Variants in IZUMO2 observed in about 807,000 individuals in gnomAD.
IZUMO2 encodes the protein izumo sperm-egg fusion protein 2.
Under a neutral mutation model 31.2 loss-of-function variants are expected in IZUMO2, and 24 were observed. The observed-to-expected ratio is 0.77, with a 90% CI of 0.56 to 1.08. IZUMO2 has a LOEUF of 1.08. Among genes scored for constraint, IZUMO2 ranks in the 50% least tolerant of loss-of-function variants. The probability of loss-of-function intolerance (pLI) is 0.00; values close to 1 mark genes in which losing one functional copy is unlikely to be tolerated. For missense variants in IZUMO2, 278 were observed against 274.0 expected, an observed-to-expected ratio of 1.01 and a Z score of -0.10; for synonymous variants, 144 against 117.3, an observed-to-expected ratio of 1.23 and a Z score of -1.47.
chr19:50,157,846 G>A (rs970182787), intron 5 of IZUMO2, among the ~76,000 whole-genome samples: 6 of 150,796 alleles, frequency 4.0e-5, no homozygotes, highest in African/African-American at 1.5e-4. Context: ...CTTGAACCTG[G>A]GAGGCAGAGG....
chr19:50,152,709 A>C (rs2030068699), intron 6 of IZUMO2, 58 bp from the exon 7 acceptor site: 4 of 1,435,144 alleles, frequency 2.8e-6, no homozygotes, highest in Middle Eastern at 1.7e-4. Flanking sequence ...TTTCCAGATC[A>C]AGAGACCCAT....
At position 50,159,543 on chromosome 19, in the gene IZUMO2, C is replaced by T. The variant is rs766330043; in HGVS notation, c.345G>A (p.Ala115=). 26 of 1,613,490 alleles carry T rather than the reference C, an allele frequency of 1.6e-5. No individual in the cohort carries two copies. The highest frequency in any genetic ancestry group is 1.5e-4 in the Admixed American group (9 of 59,970). The part of the protein sequence containing the change: ...PLLEELVTLR[A]NVIKEFKKVL... Reference sequence around the variant, plus strand: ...CTTTCTTGAATTCCTTGATCACATTCGCCCTGAGGGTCACCAGCTCTTCCA... The same window carrying T: ...CTTTCTTGAATTCCTTGATCACATTTGCCCTGAGGGTCACCAGCTCTTCCA... The change falls in exon 3 of 7, where the codon GCG becomes GCA. Residue 115 remains alanine, a synonymous_variant. Coordinates refer to ENST00000293405, the MANE Select transcript of IZUMO2 (RefSeq NM_152358.3).
chr19:50,153,483 A>T (rs562997997), intron 6 of IZUMO2, among the ~76,000 whole-genome samples: 1 of 152,088 alleles, frequency 6.6e-6, no homozygotes, highest in East Asian at 1.9e-4. Flanking sequence ...TGCACGGAGC[A>T]CTCCCCATGC....
Position 50,152,713 on chromosome 19 carries a change from G to A in IZUMO2, c.624-62C>T, listed in dbSNP as rs113759869. The A allele has an allele frequency of 1.2e-5, 16 of 1,370,986 alleles. No homozygotes were observed. The African/African-American group carries it at 1.3e-4, about 11-fold the overall frequency. 84.9% of individuals were successfully genotyped at this position (1,370,986 alleles called of 1,614,324 possible). On this transcript the variant is annotated intron_variant, in intron 6 of 6. Coordinates refer to ENST00000293405, the MANE Select transcript of IZUMO2 (RefSeq NM_152358.3). ...AATTTCAAGCTTTTCCAGATCAAGA[G>A]ACCCATAACTTCCCTCCCCATAACT...
intron 5 of IZUMO2, 115 bp from the exon 6 acceptor site, chr19:50,154,841 CTCT>C (rs964752093): frequency 1.7e-5 from 19 of 1,110,592 alleles, no homozygotes; most frequent in African/African-American, 6.2e-5. Context: ...GGGGCGCTCT[CTCT>C]TCTTCTCTTC....
rs1012810960 is a variant in IZUMO2, at chr19:50,156,663, G to T, written c.496+1605C>A. 2.8e-4 allele frequency among the ~76,000 whole-genome samples: 43 copies of T among 151,358 alleles called. 1 individual carries two copies. The highest frequency in any genetic ancestry group is 2.4e-3 in the Admixed American group (36 of 15,202). On this transcript the variant is annotated intron_variant, in intron 5 of 6. Transcript: ENST00000293405. ...TTCTAGGCCGGGTGCAGTGACTCATGCCTGTAATCCCAGCACTTTGGGAGG... is the reference window on the plus strand; with the variant it reads ...TTCTAGGCCGGGTGCAGTGACTCATTCCTGTAATCCCAGCACTTTGGGAGG...
In IZUMO2 at chr19:50,163,260, C is replaced by G. The variant is rs1449127425; in HGVS notation, c.-66G>C. On this transcript the variant is annotated 5_prime_UTR_variant, in exon 1 of 7. Coordinates refer to ENST00000293405, the MANE Select transcript of IZUMO2 (RefSeq NM_152358.3). ...CCCGCCTCCCAGGCGAGGGCGCGGT[C>G]AGGAGGCCCAGGGAGCATCACGGTG... The G allele has an allele frequency of 8.4e-7, 1 of 1,184,844 alleles. No homozygotes were observed. Among genetic ancestry groups the G allele is most frequent in the African/African-American group, 1.5e-5 (1 of 64,708 alleles). 73.4% of individuals were successfully genotyped at this position (1,184,844 alleles called of 1,614,324 possible). A position where few individuals can be genotyped will look rare whatever the true frequency, so the allele number is the denominator to read the frequency against.
At chr19:50,153,682 G>T (rs2123044009) in intron 6 of IZUMO2, 1 of 152,078 alleles carries the variant, frequency 6.6e-6, no homozygotes, top group Admixed American at 6.6e-5. Context: ...GGCACCTGTA[G>T]TCCCAGCTAC....
intron 2 of IZUMO2, among the ~76,000 whole-genome samples, chr19:50,161,942 T>A (rs1452909004): frequency 6.6e-6 from 1 of 152,212 alleles, no homozygotes; most frequent in African/African-American, 2.4e-5. Context: ...CTTGCCTGGC[T>A]CACAGAAGGT....
chr19:50,153,052 G>A lies in IZUMO2; in HGVS notation c.624-401C>T, dbSNP rs554628442. Among the ~76,000 whole-genome samples the A allele has an allele frequency of 7.2e-5, 11 of 152,248 alleles. No homozygotes were observed. The South Asian group carries it at 2.1e-3, about 29-fold the overall frequency. On this transcript the variant is annotated intron_variant, in intron 6 of 6. Transcript: ENST00000293405. The stretch of plus-strand genomic sequence containing the variant: ...GGAATGTGACCTTAATTGGAAACAC[G>A]GTCTTTGCAGATGTAATTAAGTTAA...
chr19:50,157,582 G>A (rs1187241001), intron 5 of IZUMO2, among the ~76,000 whole-genome samples: 9 of 150,288 alleles, frequency 6.0e-5, no homozygotes, highest in African/African-American at 1.7e-4. Flanking sequence ...GATTACAGGC[G>A]TGAGCCACTG....
At chr19:50,154,128 C>T (rs1306228606) in intron 6 of IZUMO2, among the ~76,000 whole-genome samples, 2 of 151,240 alleles carry the variant, frequency 1.3e-5, no homozygotes, top group Non-Finnish European at 1.5e-5. Context: ...AATGTTTTCA[C>T]TGTAGTATCT....
chr19:50,159,508 G>T lies in IZUMO2; in HGVS notation c.380C>A (p.Ser127Ter). Residue 127 changes from serine (S) to a stop codon, truncating the protein, a stop_gained, in exon 3 of 7, where the codon TCA (serine) becomes TAA (stop). Coordinates refer to ENST00000293405, the MANE Select transcript of IZUMO2 (RefSeq NM_152358.3). LOFTEE classifies it high-confidence loss of function. ...VIKEFKKVLISYELKACNPKL... is the reference protein window; with the variant it reads ...VIKEFKKVLI The stretch of plus-strand genomic sequence containing the variant: ...ATATGCTGCACCTTTTAATTCATAT[G>T]AAATTAAAACTTTCTTGAATTCCTT... 6.2e-7 allele frequency: 1 copy of T among 1,609,910 alleles called. No individual in the cohort carries two copies. Among genetic ancestry groups the T allele is most frequent in the South Asian group, 1.1e-5 (1 of 90,940 alleles).
At chr19:50,156,712 C>A (rs1207871286) in intron 5 of IZUMO2, among the ~76,000 whole-genome samples, 1 of 151,904 alleles carries the variant, frequency 6.6e-6, no homozygotes, top group Non-Finnish European at 1.5e-5. Flanking sequence ...ATCATTTGAG[C>A]CCAGGAGTTC....
intron 6 of IZUMO2, chr19:50,153,865 G>A (rs969573538): frequency 6.6e-6 from 1 of 151,564 alleles, no homozygotes; most frequent in Non-Finnish European, 1.5e-5. Context: ...CCCCGCCAGT[G>A]GGAGGTGATG....
rs779005712 is a variant in IZUMO2 at position 50,163,162 on chromosome 19, C to T, written c.33G>A (p.Ser11=). The T allele has an allele frequency of 1.3e-6, 2 of 1,562,996 alleles. No homozygotes were observed. The highest frequency in any genetic ancestry group is 8.7e-7 in the Non-Finnish European group (1 of 1,154,968). The part of the protein sequence containing the change: MPLALTLLLL[S]GLGAPGGWGC... The stretch of plus-strand genomic sequence containing the variant: ...CCCAGCCTCCGGGGGCGCCCAAGCC[C>T]GAGAGCAGCAGAAGGGTCAAAGCCA... The change falls in exon 1 of 7, where the codon TCG becomes TCA. Residue 11 remains serine, a synonymous_variant. Transcript: ENST00000293405.
intron 5 of IZUMO2, among the ~76,000 whole-genome samples, chr19:50,156,678 AC>A (rs2030222537): frequency 6.6e-6 from 1 of 152,086 alleles, no homozygotes; most frequent in African/African-American, 2.4e-5. Flanking sequence ...TAATCCCAGC[AC>A]TTTGGGAGGC....
Position 50,163,183 on chromosome 19 carries a change from A to T in IZUMO2, c.12T>A (p.Ala4=). The part of the protein sequence containing the change: MPL[A]LTLLLLSGLG... ...AGCCCGAGAGCAGCAGAAGGGTCAA[A>T]GCCAGAGGCATGGCGGGGCCTTTGT... The change falls in exon 1 of 7, where the codon GCT becomes GCA. Residue 4 remains alanine (A), a synonymous_variant. Transcript: ENST00000293405. 5 of 1,550,258 alleles carry T rather than the reference A, an allele frequency of 3.2e-6. No individual in the cohort carries two copies. Among genetic ancestry groups the T allele is most frequent in the Non-Finnish European group, 4.4e-6 (5 of 1,147,652 alleles).
At chr19:50,157,778 G>A (rs535324038) in intron 5 of IZUMO2, among the ~76,000 whole-genome samples, 40 of 151,470 alleles carry the variant, frequency 2.6e-4, no homozygotes, top group Non-Finnish European at 4.7e-4. Flanking sequence ...AACTTATCAG[G>A]GTATGGTGGT....
Sources: gnomAD v4.1 joint callset for allele counts (sites outside exome capture counted in the v4.1 genomes callset) on GRCh38, gnomAD v4.1.1 for gene constraint, MANE v1.5 for transcripts, NCBI Gene and HGNC (gene_info 2026-07-23, HGNC 2026-07-21) for gene names.